Variants in GALM observed in about 807,000 individuals in gnomAD.
The protein encoded by GALM is aldose 1-epimerase.
A neutral mutation model predicts 37.4 loss-of-function variants in GALM; 43 were observed. That is an observed-to-expected ratio of 1.15 (90% confidence interval 0.90 to 1.48). The LOEUF (loss-of-function observed/expected upper bound fraction) is 1.48, where lower values mean the gene tolerates loss of function less well. Among genes scored for constraint, GALM ranks in the 40% most tolerant of loss-of-function variants. The pLI, the probability that GALM is intolerant of heterozygous loss-of-function variation, is 0.00. For missense variants in GALM, 456 were observed against 419.1 expected (o/e 1.09, Z -0.77); for synonymous variants, 199 against 170.6 (o/e 1.17, Z -1.30).
At chr2:38,687,317 G>A (rs1173386077) in intron 3 of GALM, among the ~76,000 whole-genome samples, 1 of 152,196 alleles carries the variant, frequency 6.6e-6, no homozygotes, top group Non-Finnish European at 1.5e-5. Context: ...AGCAGAGTGA[G>A]CTGTAGAAAG....
chr2:38,702,462 C>T (rs532449475), intron 4 of GALM, among the ~76,000 whole-genome samples: 8 of 152,290 alleles, frequency 5.3e-5, no homozygotes, highest in South Asian at 4.1e-4. Flanking sequence ...TTTCCCACCC[C>T]CAGCCTACAG....
chr2:38,705,309 A>G (rs1431825373), intron 4 of GALM, among the ~76,000 whole-genome samples: 2 of 152,202 alleles, frequency 1.3e-5, no homozygotes, highest in Non-Finnish European at 2.9e-5. Flanking sequence ...TAACTCAAGT[A>G]AGTTCCCAGA....
In GALM at chr2:38,694,896, CA is replaced by C. The variant is rs778512686; in HGVS notation, c.634+5018del. 3.6e-3 allele frequency among the ~76,000 whole-genome samples: 272 copies of C among 75,820 alleles called. 2 individuals are homozygous for C. Among genetic ancestry groups the C allele is most frequent in the African/African-American group, 0.014 (218 of 15,074 alleles). The allele number at this position is 75,820 out of a possible 152,430, so 49.7% of individuals were successfully genotyped here. A position where few individuals can be genotyped will look rare whatever the true frequency, so the allele number is the denominator to read the frequency against. On this transcript the variant is annotated intron_variant, in intron 4 of 6. Coordinates refer to ENST00000272252, the MANE Select transcript of GALM (RefSeq NM_138801.3). ...TGGGCAACAGAGCAAGACTCCGTCTCAAAAAAAAAAAAAAAACAAAAAAAGA... is the reference window on the plus strand; with the variant it reads ...TGGGCAACAGAGCAAGACTCCGTCTCAAAAAAAAAAAAAAACAAAAAAAGA...
intron 5 of GALM, 109 bp from the exon 6 acceptor site, chr2:38,731,626 C>T (rs1043367841): frequency 1.4e-5 from 11 of 782,002 alleles, no homozygotes; most frequent in African/African-American, 8.7e-5. Context: ...TATATCTTGT[C>T]CCTGCTCTGT....
At chr2:38,726,764 C>T (rs1418444233) in intron 4 of GALM, among the ~76,000 whole-genome samples, 2 of 151,680 alleles carry the variant, frequency 1.3e-5, no homozygotes, top group African/African-American at 4.8e-5. Flanking sequence ...GGTGTGGTGG[C>T]AGGCACCTGT....
intron 4 of GALM, among the ~76,000 whole-genome samples, chr2:38,696,240 C>T (rs1389356974): frequency 5.3e-5 from 8 of 152,088 alleles, no homozygotes; most frequent in African/African-American, 1.7e-4. Context: ...CTGCCTTGGC[C>T]TCCCAAGTAG....
chr2:38,724,906 G>T lies in GALM; in HGVS notation c.635-4650G>T, dbSNP rs115608560. Among the ~76,000 whole-genome samples the T allele has an allele frequency of 4.5e-3, 692 of 152,324 alleles. 3 individuals carry two copies. Among genetic ancestry groups the T allele is most frequent in the South Asian group, 0.014 (67 of 4,834 alleles). On this transcript the variant is annotated intron_variant, in intron 4 of 6. Transcript: ENST00000272252. Reference sequence around the variant, plus strand: ...GAGCTGAAGCAAACACTGATTTGTAGATTGCTTGGTAACAGGAAAGAGACC... The same window carrying T: ...GAGCTGAAGCAAACACTGATTTGTATATTGCTTGGTAACAGGAAAGAGACC...
At position 38,729,654 on chromosome 2, in the gene GALM, A is replaced by G. The variant is rs1250003251; in HGVS notation, c.733A>G (p.Asn245Asp). 18 of 1,613,628 alleles carry G rather than the reference A, an allele frequency of 1.1e-5. No homozygotes were observed. The highest frequency in any genetic ancestry group is 6.7e-5 in the African/African-American group (5 of 74,908). Residue 245 changes from asparagine to aspartate, a missense_variant, in exon 5 of 7, where the codon AAT becomes GAT. By Grantham distance (23) the Asn-to-Asp change is conservative (BLOSUM62 1). Coordinates refer to ENST00000272252, the MANE Select transcript of GALM (RefSeq NM_138801.3). ...CTTCCATCTCAATGGTTTTGACCACAATTTCTGTCTGAAGGGATCTAAAGA... is the reference window on the plus strand; with the variant it reads ...CTTCCATCTCAATGGTTTTGACCACGATTTCTGTCTGAAGGGATCTAAAGA... ...QDFHLNGFDH[N>D]FCLKGSKEKH...
At chr2:38,696,459 G>T (rs1323368259) in intron 4 of GALM, among the ~76,000 whole-genome samples, 1 of 148,298 alleles carries the variant, frequency 6.7e-6, no homozygotes, top group African/African-American at 2.5e-5. Flanking sequence ...TTGAGACAGG[G>T]TCTCTTTCTG....
Position 38,733,981 on chromosome 2 carries a change from T to C in GALM, c.*416T>C. On this transcript the variant is annotated 3_prime_UTR_variant, in exon 7 of 7. Transcript: ENST00000272252. ...AACCACTGTCAGCAGCACTCTGGAG[T>C]TTTCAAATGTCACATTAGCCTCACC... 1 of 268,610 alleles carries C rather than the reference T, an allele frequency of 3.7e-6. No individual in the cohort carries two copies. 16.6% of individuals were successfully genotyped at this position (268,610 alleles called of 1,614,324 possible).
intron 1 of GALM, among the ~76,000 whole-genome samples, chr2:38,674,318 T>C (rs1187814318): frequency 1.3e-5 from 2 of 151,940 alleles, no homozygotes; most frequent in East Asian, 3.9e-4. Context: ...GCCTCCCAAG[T>C]AGCTGGGACT....
intron 4 of GALM, among the ~76,000 whole-genome samples, chr2:38,692,730 C>T (rs1204399704): frequency 6.6e-6 from 1 of 152,126 alleles, no homozygotes; most frequent in Non-Finnish European, 1.5e-5. Context: ...ATAGACATAA[C>T]TAGGAGACTT....
At chr2:38,685,379 T>G (rs2148431987) in intron 3 of GALM, among the ~76,000 whole-genome samples, 1 of 152,340 alleles carries the variant, frequency 6.6e-6, no homozygotes, top group East Asian at 1.9e-4. Context: ...TTGTGGGTAG[T>G]AACCCACAGT....
chr2:38,713,047 C>G (rs961188734), intron 4 of GALM, among the ~76,000 whole-genome samples: 10 of 152,154 alleles, frequency 6.6e-5, no homozygotes, highest in African/African-American at 2.4e-4. Context: ...GCCACCTGTC[C>G]CTAGTGCCCT....
intron 4 of GALM, among the ~76,000 whole-genome samples, chr2:38,727,460 G>C (rs1666508387): frequency 6.6e-6 from 1 of 151,656 alleles, no homozygotes. Flanking sequence ...CGGGTGCAGT[G>C]GTTCACGCCT....
Position 38,733,625 on chromosome 2 carries a change from A to G in GALM, c.*60A>G. The G allele has an allele frequency of 5.9e-6, 7 of 1,189,870 alleles. No homozygotes were observed. The highest frequency in any genetic ancestry group is 8.8e-6 in the Non-Finnish European group (7 of 795,554). The allele number at this position is 1,189,870 out of a possible 1,614,324, so 73.7% of individuals were successfully genotyped here. The stretch of plus-strand genomic sequence containing the variant: ...GCTCAGCCACCTGTCTCCTGTCCAG[A>G]AAAAAGGTGAAGATTAAGAAGCTTT... On this transcript the variant is annotated 3_prime_UTR_variant, in exon 7 of 7. Transcript: ENST00000272252.
At chr2:38,697,617 C>T (rs1195326352) in intron 4 of GALM, among the ~76,000 whole-genome samples, 1 of 152,124 alleles carries the variant, frequency 6.6e-6, no homozygotes, top group African/African-American at 2.4e-5. Flanking sequence ...AATGTAGCAA[C>T]TTTTATTTTG....
At chr2:38,710,909 A>G (rs958304482) in intron 4 of GALM, among the ~76,000 whole-genome samples, 19 of 151,354 alleles carry the variant, frequency 1.3e-4, no homozygotes, top group Middle Eastern at 3.2e-3. Flanking sequence ...GCCTGCCACC[A>G]CACCCAGCAA....
intron 4 of GALM, among the ~76,000 whole-genome samples, chr2:38,725,196 C>A (rs1248174139): frequency 6.6e-6 from 1 of 152,172 alleles, no homozygotes; most frequent in Non-Finnish European, 1.5e-5. Flanking sequence ...CTAAAATCTT[C>A]CTGAGCCCAT....
Sources: allele counts gnomAD v4.1 joint callset (sites outside exome capture counted in the v4.1 genomes callset), GRCh38; gene constraint gnomAD v4.1.1; transcripts MANE v1.5; gene names NCBI Gene and HGNC (gene_info 2026-07-23, HGNC 2026-07-21).